SLC36A3: variants seen among roughly 807,000 people sequenced by gnomAD.
SLC36A3 encodes proton-coupled amino acid transporter 3.
In SLC36A3, 35 loss-of-function variants were observed where a neutral mutation model predicts 44.3. The ratio of observed to expected loss-of-function variants is 0.79; its 90% CI spans 0.60 to 1.05. The LOEUF is 1.05. Ranked by LOEUF, SLC36A3 falls within the 50% of genes least tolerant of loss-of-function variation. The probability of loss-of-function intolerance (pLI) is 0.00; values close to 1 mark genes in which losing one functional copy is unlikely to be tolerated. For synonymous variants in SLC36A3, 211 were observed against 227.6 expected (o/e 0.93, Z 0.66); for missense variants, 540 against 578.7 (o/e 0.93, Z 0.69).
intron 6 of SLC36A3, among the ~76,000 whole-genome samples, chr5:151,285,865 G>A (rs1754517096): frequency 6.6e-6 from 1 of 152,182 alleles, no homozygotes; most frequent in Admixed American, 6.5e-5. Context: ...CTACAAAGCT[G>A]GAGAAGACAA....
At chr5:151,285,497 A>G (rs778388275) in intron 6 of SLC36A3, among the ~76,000 whole-genome samples, 10 of 152,194 alleles carry the variant, frequency 6.6e-5, no homozygotes, top group African/African-American at 9.7e-5. Context: ...TGTGCAGTCC[A>G]CTAGTTAGTA....
At chr5:151,287,961 C>A (rs181066864) in intron 5 of SLC36A3, among the ~76,000 whole-genome samples, 68 of 152,252 alleles carry the variant, frequency 4.5e-4, no homozygotes, top group African/African-American at 1.6e-3. Flanking sequence ...AAGGATGCTC[C>A]CTCTAATCCA....
In SLC36A3 at chr5:151,291,731, C is replaced by T. The variant is rs536682371; in HGVS notation, c.404+1633G>A. Among the ~76,000 whole-genome samples the T allele has an allele frequency of 2.6e-5, 4 of 152,264 alleles. No individual in the cohort carries two copies. The South Asian group carries it at 8.3e-4, about 32-fold the overall frequency. Reference sequence around the variant, plus strand: ...CTGTCATGTATATAAATATGAGATGCTAAGATGAGTACATGGGGTCAGGTA... The same window carrying T: ...CTGTCATGTATATAAATATGAGATGTTAAGATGAGTACATGGGGTCAGGTA... On this transcript the variant is annotated intron_variant, in intron 4 of 9. Coordinates refer to ENST00000335230, the MANE Select transcript of SLC36A3 (RefSeq NM_181774.4).
chr5:151,287,323 C>G lies in SLC36A3; in HGVS notation c.631G>C (p.Val211Leu), dbSNP rs778720370. ...GCCAATGTCGAGAAGACGGACAGCA[C>G]CTTGAGGTTCTGGATAAACACCAAC... is the stretch of plus-strand genomic sequence containing the variant. The part of the protein sequence containing the change: ...ILLVFIQNLK[V>L]LSVFSTLANI... The change falls in exon 6 of 10, where the codon GTG becomes CTG. Residue 211 changes from valine (V) to leucine (L), a missense_variant. Val to Leu is a conservative substitution (Grantham distance 32). Coordinates refer to ENST00000335230, the MANE Select transcript of SLC36A3 (RefSeq NM_181774.4). 5.0e-6 allele frequency: 8 copies of G among 1,613,958 alleles called. No homozygotes were observed. Among genetic ancestry groups the G allele is most frequent in the South Asian group, 2.2e-5 (2 of 91,076 alleles).
chr5:151,294,631 AT>A lies in SLC36A3; in HGVS notation c.309-1173del, dbSNP rs971274733. On this transcript the variant is annotated intron_variant, in intron 3 of 9. Coordinates refer to ENST00000335230, the MANE Select transcript of SLC36A3 (RefSeq NM_181774.4). Reference sequence around the variant, plus strand: ...TCCAATTCACATTTTGTGAATGTGAATTTTTTTTTTTTTTGAGACAGAGTTT... The same window carrying A: ...TCCAATTCACATTTTGTGAATGTGAATTTTTTTTTTTTTGAGACAGAGTTT... Among the ~76,000 whole-genome samples, 430 of 145,650 alleles carry A rather than the reference AT, an allele frequency of 3.0e-3. 2 individuals are homozygous for A. The highest frequency in any genetic ancestry group is 6.5e-3 in the African/African-American group (258 of 39,964).
chr5:151,295,941 G>C (rs1754943262), intron 3 of SLC36A3, among the ~76,000 whole-genome samples: 1 of 152,162 alleles, frequency 6.6e-6, no homozygotes, highest in African/African-American at 2.4e-5. Context: ...AAGGAGATCT[G>C]GGCTCAGGGG....
chr5:151,279,231 T>C (rs890512517), intron 9 of SLC36A3, among the ~76,000 whole-genome samples: 1 of 152,240 alleles, frequency 6.6e-6, no homozygotes, highest in Non-Finnish European at 1.5e-5. Context: ...CCCCCTTATG[T>C]GTAGAGTGTG....
intron 4 of SLC36A3, 81 bp downstream of exon 4, chr5:151,293,283 T>C: frequency 8.1e-7 from 1 of 1,236,332 alleles, no homozygotes; most frequent in Non-Finnish European, 1.1e-6. Flanking sequence ...AGCATATTCA[T>C]TTAAAACCTG....
In SLC36A3 at chr5:151,282,179, G is replaced by T. The variant is rs1323548262; in HGVS notation, c.975-996C>A. Among the ~76,000 whole-genome samples the T allele has an allele frequency of 1.4e-4, 18 of 126,008 alleles. No individual in the cohort carries two copies. The Admixed American group carries it at 1.6e-3, about 11-fold the overall frequency. 82.7% of individuals were successfully genotyped at this position (126,008 alleles called of 152,430 possible). ...TTTATTGCCCAGGCTGGAGTGCAAT[G>T]GTATGATCTCACTTGATCTTAGCCA... On this transcript the variant is annotated intron_variant, in intron 8 of 9. Transcript: ENST00000335230.
intron 1 of SLC36A3, among the ~76,000 whole-genome samples, chr5:151,300,884 C>G (rs181746303): frequency 6.6e-6 from 1 of 152,298 alleles, no homozygotes; most frequent in South Asian, 2.1e-4. Context: ...TAAAGAGAAC[C>G]GCTATGCATG....
chr5:151,296,138 A>AG (rs1561638575), intron 3 of SLC36A3, 42 bp downstream of exon 3: 5 of 1,595,994 alleles, frequency 3.1e-6, no homozygotes, highest in Non-Finnish European at 4.3e-6. Context: ...ACACCCTCAG[A>AG]GGGGCCCCAG....
At chr5:151,280,441 G>A (rs1456727392) in intron 9 of SLC36A3, among the ~76,000 whole-genome samples, 5 of 152,140 alleles carry the variant, frequency 3.3e-5, no homozygotes, top group Admixed American at 6.5e-5. Context: ...GCAACAGAGC[G>A]AGACTCTGTC....
chr5:151,299,264 C>CTCTATATATA (rs1372309288), intron 1 of SLC36A3, among the ~76,000 whole-genome samples: 73 of 59,636 alleles, frequency 1.2e-3, no homozygotes, highest in East Asian at 4.2e-3. Context: ...CTCTCTCTCT[C>CTCTATATATA]TATATATATA....
intron 4 of SLC36A3, among the ~76,000 whole-genome samples, chr5:151,292,202 C>T (rs6873565): frequency 0.16 from 23,876 of 152,166 alleles, 2,432 homozygotes; most frequent in African/African-American, 0.29. Flanking sequence ...AGGTATCTCT[C>T]AGTAAATTAA....
At chr5:151,286,760 T>C (rs1426878815) in intron 6 of SLC36A3, among the ~76,000 whole-genome samples, 1 of 152,218 alleles carries the variant, frequency 6.6e-6, no homozygotes, top group East Asian at 1.9e-4. Context: ...TTGCGAAGGT[T>C]CAATAAGTTA....
At chr5:151,290,488 C>T (rs1754716958) in intron 4 of SLC36A3, among the ~76,000 whole-genome samples, 1 of 152,214 alleles carries the variant, frequency 6.6e-6, no homozygotes, top group African/African-American at 2.4e-5. Flanking sequence ...ATCCCAGCTT[C>T]AACAATGAAC....
intron 8 of SLC36A3, among the ~76,000 whole-genome samples, chr5:151,283,721 C>T (rs554730522): frequency 6.6e-6 from 1 of 152,360 alleles, no homozygotes; most frequent in South Asian, 2.1e-4. Flanking sequence ...GAATGCTTAC[C>T]ACGTGCTAAG....
At chr5:151,279,712 T>C (rs1246139802) in intron 9 of SLC36A3, among the ~76,000 whole-genome samples, 1 of 152,148 alleles carries the variant, frequency 6.6e-6, no homozygotes, top group African/African-American at 2.4e-5. Context: ...TCAAACCAAG[T>C]AGGATTTTGC....
chr5:151,295,166 T>C (rs1175163354), intron 3 of SLC36A3, among the ~76,000 whole-genome samples: 1 of 152,180 alleles, frequency 6.6e-6, no homozygotes, highest in East Asian at 1.9e-4. Flanking sequence ...AGAGAAGATT[T>C]GCAAAATGGT....
Sources: allele counts gnomAD v4.1 joint callset (sites outside exome capture counted in the v4.1 genomes callset), GRCh38; gene constraint gnomAD v4.1.1; transcripts MANE v1.5; gene names NCBI Gene and HGNC (gene_info 2026-07-23, HGNC 2026-07-21).